PPP1R14C: variants seen among roughly 807,000 people sequenced by gnomAD.
The protein encoded by PPP1R14C is protein phosphatase 1 regulatory subunit 14C.
In PPP1R14C, 16 loss-of-function variants were observed where a neutral mutation model predicts 20.4. The ratio of observed to expected loss-of-function variants is 0.78; its 90% CI spans 0.53 to 1.19. The LOEUF is 1.19. Ranked by LOEUF, PPP1R14C falls within the 50% of genes most tolerant of loss-of-function variation. The pLI, the probability that PPP1R14C is intolerant of heterozygous loss-of-function variation, is 0.00. For missense variants in PPP1R14C, 211 were observed against 220.1 expected (o/e 0.96, Z 0.26); for synonymous variants, 91 against 91.0 (o/e 1.00, Z 0.00).
intron 1 of PPP1R14C, among the ~76,000 whole-genome samples, chr6:150,159,335 C>G (rs1777339486): frequency 6.6e-6 from 1 of 152,218 alleles, no homozygotes; most frequent in Non-Finnish European, 1.5e-5. Flanking sequence ...TGTCTATATC[C>G]TTTGATCGCA....
At chr6:150,231,837 G>A (rs1032112458) in intron 3 of PPP1R14C, among the ~76,000 whole-genome samples, 4 of 152,038 alleles carry the variant, frequency 2.6e-5, no homozygotes, top group Non-Finnish European at 5.9e-5. Flanking sequence ...TTTTATTACT[G>A]TATAGTATTT....
intron 1 of PPP1R14C, among the ~76,000 whole-genome samples, chr6:150,161,610 A>G (rs950119866): frequency 1.3e-5 from 2 of 152,174 alleles, no homozygotes; most frequent in Non-Finnish European, 2.9e-5. Flanking sequence ...CATTCCCTTA[A>G]TTGTTCAGTT....
chr6:150,149,657 T>C (rs1294400847), intron 1 of PPP1R14C, among the ~76,000 whole-genome samples: 1 of 152,108 alleles, frequency 6.6e-6, no homozygotes, highest in Non-Finnish European at 1.5e-5. Flanking sequence ...TCAGGAGGAC[T>C]GATTGGTGAG....
At chr6:150,154,337 T>G (rs1777282221) in intron 1 of PPP1R14C, among the ~76,000 whole-genome samples, 1 of 152,240 alleles carries the variant, frequency 6.6e-6, no homozygotes, top group Non-Finnish European at 1.5e-5. Context: ...GATTAATTCC[T>G]GTCGGCTGTT....
chr6:150,168,601 G>GT (rs1777463808), intron 1 of PPP1R14C, among the ~76,000 whole-genome samples: 3 of 148,098 alleles, frequency 2.0e-5, no homozygotes, highest in South Asian at 4.3e-4. Flanking sequence ...TTTCCTTAGT[G>GT]TAAGTCCTCG....
Position 150,214,822 on chromosome 6 carries a change from T to C in PPP1R14C, c.385T>C (p.Leu129=). The C allele has an allele frequency of 6.2e-7, 1 of 1,609,042 alleles. No individual in the cohort carries two copies. ...CAGTGATGAAGAGAGAGCTTCAAAA[T>C]TACAGGTAAGCAGTTTCCAAAATTG... ...ADSDEERASK[L]QEALVDCYKP... is the part of the protein sequence containing the mutation. Residue 129 remains leucine (L), a synonymous_variant, in exon 2 of 4, where the codon TTA becomes CTA. Transcript: ENST00000361131.
At chr6:150,149,886 T>C (rs1777225443) in intron 1 of PPP1R14C, among the ~76,000 whole-genome samples, 1 of 152,188 alleles carries the variant, frequency 6.6e-6, no homozygotes, top group Non-Finnish European at 1.5e-5. Context: ...GGGCAAATAT[T>C]CTCTAAACTG....
At chr6:150,174,505 C>T (rs771396799) in intron 1 of PPP1R14C, among the ~76,000 whole-genome samples, 12 of 152,096 alleles carry the variant, frequency 7.9e-5, no homozygotes, top group Non-Finnish European at 1.8e-4. Flanking sequence ...CGTGAGCCAC[C>T]ACGCCTGGCC....
chr6:150,250,285 G>A lies in PPP1R14C; in HGVS notation c.*1465G>A, dbSNP rs989461148. ...CGTATACTGGCAAGCTTTTGAAAAT[G>A]TATTTAATTTTGTATTGTTTACCAA... is the stretch of plus-strand genomic sequence containing the variant. On this transcript the variant is annotated 3_prime_UTR_variant, in exon 4 of 4. Coordinates refer to ENST00000361131, the MANE Select transcript of PPP1R14C (RefSeq NM_030949.3). 2 of 152,630 alleles carry A rather than the reference G, an allele frequency of 1.3e-5. No homozygotes were observed. Among genetic ancestry groups the A allele is most frequent in the African/African-American group, 4.8e-5 (2 of 41,452 alleles). The allele number at this position is 152,630 out of a possible 1,614,324, so 9.5% of individuals were successfully genotyped here. A position where few individuals can be genotyped will look rare whatever the true frequency, so the allele number is the denominator to read the frequency against.
In PPP1R14C at chr6:150,143,117, C is replaced by A. The variant is rs937817483; in HGVS notation, c.-76C>A. On this transcript the variant is annotated 5_prime_UTR_variant, in exon 1 of 4. Coordinates refer to ENST00000361131, the MANE Select transcript of PPP1R14C (RefSeq NM_030949.3). The surrounding 1 kb of genome is among the most constrained non-coding windows in gnomAD (Gnocchi z 5.6). The stretch of plus-strand genomic sequence containing the variant: ...AGCCCTTCGCATGCGGCTGCCGGGC[C>A]GGAGGTGGTAGCGGCGCCGGGCGCG... The A allele has an allele frequency of 4.2e-5, 49 of 1,166,896 alleles. No individual in the cohort carries two copies. The highest frequency in any genetic ancestry group is 5.1e-5 in the Non-Finnish European group (48 of 949,978). The allele number at this position is 1,166,896 out of a possible 1,614,324, so 72.3% of individuals were successfully genotyped here. A position where few individuals can be genotyped will look rare whatever the true frequency, so the allele number is the denominator to read the frequency against.
Position 150,188,482 on chromosome 6 carries a change from C to CTTTT in PPP1R14C, c.307-26243_307-26240dup, listed in dbSNP as rs753993224. ...GTGGGAACAGAAGAACAGGAATTACCTTTTTTTTTTTTTTTTTTTTTTGAG... is the reference window on the plus strand; with the variant it reads ...GTGGGAACAGAAGAACAGGAATTACCTTTTTTTTTTTTTTTTTTTTTTTTTTGAG... On this transcript the variant is annotated intron_variant, in intron 1 of 3. Transcript: ENST00000361131. 1.3e-3 allele frequency among the ~76,000 whole-genome samples: 132 copies of CTTTT among 104,950 alleles called. 2 individuals carry two copies. The highest frequency in any genetic ancestry group is 4.5e-3 in the African/African-American group (116 of 25,874). 68.9% of individuals were successfully genotyped at this position (104,950 alleles called of 152,430 possible).
chr6:150,214,602 C>T, intron 1 of PPP1R14C, 142 bp from the exon 2 acceptor site: 1 of 613,750 alleles, frequency 1.6e-6, no homozygotes, highest in Non-Finnish European at 2.9e-6. Flanking sequence ...CTCCTCTCCC[C>T]CTAGCCTCTC....
At position 150,190,017 on chromosome 6, in the gene PPP1R14C, G is replaced by A. The variant is rs561360102; in HGVS notation, c.307-24727G>A. 5.3e-5 allele frequency among the ~76,000 whole-genome samples: 8 copies of A among 152,240 alleles called. No homozygotes were observed. The East Asian group carries it at 1.5e-3, about 29-fold the overall frequency. Reference sequence around the variant, plus strand: ...TTTCTTAGGTGCGTAGCCTGCCCTTGATTCCAACTTGTAAGTTAAAGGTGA... The same window carrying A: ...TTTCTTAGGTGCGTAGCCTGCCCTTAATTCCAACTTGTAAGTTAAAGGTGA... On this transcript the variant is annotated intron_variant, in intron 1 of 3. Coordinates refer to ENST00000361131, the MANE Select transcript of PPP1R14C (RefSeq NM_030949.3).
intron 1 of PPP1R14C, among the ~76,000 whole-genome samples, chr6:150,165,172 T>C (rs1777410174): frequency 6.6e-6 from 1 of 152,236 alleles, no homozygotes; most frequent in Non-Finnish European, 1.5e-5. Context: ...TTCTAGTGAG[T>C]ATGTTCTAAT....
At chr6:150,214,722 A>C (rs201680057) in intron 1 of PPP1R14C, 22 bp from the exon 2 acceptor site, 146 of 1,596,810 alleles carry the variant, frequency 9.1e-5, no homozygotes, top group Non-Finnish European at 1.2e-4. Context: ...AAATGCCTTC[A>C]TATCCTCCCA....
Position 150,217,447 on chromosome 6 carries a change from G to A in PPP1R14C, c.423+591G>A, listed in dbSNP as rs545256295. 4.6e-5 allele frequency among the ~76,000 whole-genome samples: 7 copies of A among 152,078 alleles called. No individual in the cohort carries two copies. The East Asian group carries it at 1.2e-3, about 25-fold the overall frequency. On this transcript the variant is annotated intron_variant, in intron 3 of 3. Transcript: ENST00000361131. ...CTGACCTCAGGTATTCACCCGCCTC[G>A]GCCTCCCAAAGTGCTGGGATTACAG...
intron 3 of PPP1R14C, among the ~76,000 whole-genome samples, chr6:150,235,849 C>T (rs911484991): frequency 6.6e-6 from 1 of 152,148 alleles, no homozygotes; most frequent in Admixed American, 6.5e-5. Context: ...GGAAAAGGTT[C>T]GTCGTACTCA....
intron 1 of PPP1R14C, among the ~76,000 whole-genome samples, chr6:150,154,336 C>T (rs1777282190): frequency 6.6e-6 from 1 of 152,206 alleles, no homozygotes; most frequent in Admixed American, 6.5e-5. Flanking sequence ...AGATTAATTC[C>T]TGTCGGCTGT....
At chr6:150,233,312 G>T (rs1277092090) in intron 3 of PPP1R14C, among the ~76,000 whole-genome samples, 1 of 152,064 alleles carries the variant, frequency 6.6e-6, no homozygotes, top group African/African-American at 2.4e-5. Flanking sequence ...GTAGGTTCCT[G>T]GAAACTGAGA....
Sources: allele counts gnomAD v4.1 joint callset (sites outside exome capture counted in the v4.1 genomes callset), GRCh38; gene constraint gnomAD v4.1.1; non-coding constraint Gnocchi (gnomAD v3.1); transcripts MANE v1.5; gene names NCBI Gene and HGNC (gene_info 2026-07-23, HGNC 2026-07-21).